The following NAV1 variants were observed in gnomAD, a reference collection of about 807,000 sequenced individuals.
NAV1 encodes neuron navigator 1, also known as pore membrane and/or filament interacting like protein 3.
A neutral mutation model predicts 175.2 loss-of-function variants in NAV1; 18 were observed. That is an observed-to-expected ratio of 0.10 (90% CI 0.07 to 0.15). The LOEUF is 0.15. Among genes scored for constraint, NAV1 ranks in the 10% least tolerant of loss-of-function variants. The pLI is 1.00. For missense variants in NAV1, 1,731 were observed against 2,436.6 expected (o/e 0.71, Z 6.10); for synonymous variants, 897 against 978.7 (o/e 0.92, Z 1.56).
At chr1:201,557,638 C>T (rs988618986) in intron 1 of NAV1, among the ~76,000 whole-genome samples, 1 of 152,204 alleles carries the variant, frequency 6.6e-6, no homozygotes, top group Non-Finnish European at 1.5e-5. Context: ...TCCCAGTTTT[C>T]AGGTGGGTTA....
rs1348920035 is a variant in NAV1, at chr1:201,581,031, G to A, written c.-143-7508G>A. 2.0e-5 allele frequency among the ~76,000 whole-genome samples: 3 copies of A among 152,336 alleles called. No individual in the cohort carries two copies. The East Asian group carries it at 5.8e-4, about 29-fold the overall frequency. ...TACTCACTGCAGGTTGTTCGTGGGG[G>A]CCGGTGCATGGCATAGGGAAAGGAA... On this transcript the variant is annotated intron_variant, in intron 1 of 33. Coordinates refer to the NAV1 transcript ENST00000685211.
intron 1 of NAV1, among the ~76,000 whole-genome samples, chr1:201,664,077 T>C (rs1457248089): frequency 6.6e-6 from 1 of 152,144 alleles, no homozygotes; most frequent in African/African-American, 2.4e-5. Flanking sequence ...ATCCGGAGTA[T>C]AGTGGCCAAA....
rs776999145 is a variant in NAV1 at position 201,803,572 on chromosome 1, C to T, written c.3518-21C>T. The T allele has an allele frequency of 7.5e-6, 12 of 1,608,720 alleles. No homozygotes were observed. In the South Asian group the frequency reaches 1.2e-4, roughly 16 times the overall value. ...CTCTCTAAATCTGTTCTATGTTTTT[C>T]CCACTTGTACTTGGCCCTAGAACTT... On this transcript the variant is annotated intron_variant, in intron 15 of 29. Transcript: ENST00000367296.
chr1:201,686,953 G>A (rs982848531), intron 1 of NAV1, among the ~76,000 whole-genome samples: 3 of 152,180 alleles, frequency 2.0e-5, no homozygotes, highest in African/African-American at 7.2e-5. Flanking sequence ...CTCCTTCCTG[G>A]TGTGAAAGGT....
intron 1 of NAV1, among the ~76,000 whole-genome samples, chr1:201,556,302 C>T (rs944545252): frequency 6.6e-6 from 1 of 151,978 alleles, no homozygotes; most frequent in African/African-American, 2.4e-5. Context: ...TCTGTAGTCC[C>T]AGCTACTCGG....
chr1:201,615,267 C>CTTTCTTTCT lies in NAV1; in HGVS notation c.-32-7583_-32-7582insCTTTCTTTT, dbSNP rs1553244260. 2.3e-3 allele frequency among the ~76,000 whole-genome samples: 321 copies of CTTTCTTTCT among 142,002 alleles called. 3 individuals carry two copies. Among genetic ancestry groups the CTTTCTTTCT allele is most frequent in the Non-Finnish European group, 2.7e-3 (179 of 66,022 alleles). 93.2% of individuals were successfully genotyped at this position (142,002 alleles called of 152,430 possible). A position where few individuals can be genotyped will look rare whatever the true frequency, so the allele number is the denominator to read the frequency against. ...CATTTCTTTCTTTCTTTCTTTCTTTCTTTTTTTTTTTGTTTGAGATGGAGT... is the reference window on the plus strand; with the variant it reads ...CATTTCTTTCTTTCTTTCTTTCTTTCTTTCTTTCTTTTTTTTTTTTGTTTGAGATGGAGT... On this transcript the variant is annotated intron_variant, in intron 2 of 33. Transcript: ENST00000685211.
intron 1 of NAV1, among the ~76,000 whole-genome samples, chr1:201,585,079 G>C (rs4915541): frequency 0.08 from 12,209 of 151,906 alleles, 645 homozygotes; most frequent in East Asian, 0.23. Context: ...CATTCGGGTA[G>C]TTTTCGCAGG....
intron 15 of NAV1, among the ~76,000 whole-genome samples, chr1:201,801,429 A>G (rs1039423105): frequency 1.3e-5 from 2 of 152,156 alleles, no homozygotes; most frequent in Non-Finnish European, 1.5e-5. Flanking sequence ...CCCTTCCTCT[A>G]GTTTAGTTTC....
At chr1:201,797,745 C>A (rs1677552045) in intron 15 of NAV1, 1 of 152,134 alleles carries the variant, frequency 6.6e-6, no homozygotes, top group African/African-American at 2.4e-5. Flanking sequence ...TTATACTGTT[C>A]TAAACTGAAT....
intron 3 of NAV1, among the ~76,000 whole-genome samples, chr1:201,777,968 A>G (rs1676068439): frequency 1.3e-5 from 2 of 152,158 alleles, no homozygotes; most frequent in Admixed American, 6.5e-5. Flanking sequence ...AAAGAAAGAA[A>G]GAAACTATGC....
chr1:201,786,493 C>T, exon 9 of NAV1: 1 of 1,614,008 alleles, frequency 6.2e-7, no homozygotes, highest in Non-Finnish European at 8.5e-7. Context: ...TGGTGGGCTG[C>T]CTGAATCCGA....
At chr1:201,632,797 A>T (rs1426348201) in intron 2 of NAV1, among the ~76,000 whole-genome samples, 3 of 152,214 alleles carry the variant, frequency 2.0e-5, no homozygotes, top group Non-Finnish European at 4.4e-5. Context: ...TTGGCCTCAT[A>T]CTAGGGCTGT....
In NAV1 at chr1:201,750,207, C is replaced by T. The variant is rs239989; in HGVS notation, c.1227-30214C>T. 0.86 allele frequency among the ~76,000 whole-genome samples: 131,270 copies of T among 152,214 alleles called. 56,954 individuals are homozygous for T. Among genetic ancestry groups the T allele is most frequent in the Middle Eastern group, 0.92 (270 of 294 alleles). On this transcript the variant is annotated intron_variant, in intron 3 of 29. Coordinates refer to ENST00000367296, the Ensembl canonical transcript of NAV1. This position sits in a 1 kb window ranked among gnomAD's most constrained non-coding sequence, Gnocchi z 4.1. ...GTAATTTTTTATAACAAAGACCTACCGCTGCAAGGATTTTACATGTAATGA... is the reference window on the plus strand; with the variant it reads ...GTAATTTTTTATAACAAAGACCTACTGCTGCAAGGATTTTACATGTAATGA...
chr1:201,661,309 G>A (rs1284672109), intron 1 of NAV1, among the ~76,000 whole-genome samples: 1 of 152,144 alleles, frequency 6.6e-6, no homozygotes, highest in Admixed American at 6.6e-5. Flanking sequence ...GTCAGTATCT[G>A]CCAAGTACCC....
chr1:201,641,023 G>A (rs1482466815), intron 2 of NAV1, among the ~76,000 whole-genome samples: 1 of 152,166 alleles, frequency 6.6e-6, no homozygotes, highest in African/African-American at 2.4e-5. Flanking sequence ...GTCAGGGAAG[G>A]CGGCCTAGAG....
At chr1:201,587,275 A>C (rs1378168423) in intron 1 of NAV1, among the ~76,000 whole-genome samples, 4 of 152,216 alleles carry the variant, frequency 2.6e-5, no homozygotes, top group East Asian at 1.9e-4. Context: ...AAAAAAAAAA[A>C]ACAGAAACCT....
rs566337530 is a variant in NAV1, at chr1:201,584,333, A to G, written c.-143-4206A>G. Among the ~76,000 whole-genome samples, 299 of 152,332 alleles carry G rather than the reference A, an allele frequency of 2.0e-3. 2 individuals carry two copies. Among genetic ancestry groups the G allele is most frequent in the African/African-American group, 6.1e-3 (253 of 41,572 alleles). ...AGACAGAGCTGCATATAGAGGGGGA[A>G]ATGTAACCTACTCTATATGCAGCTA... is the stretch of plus-strand genomic sequence containing the variant. On this transcript the variant is annotated intron_variant, in intron 1 of 33. Transcript: ENST00000685211.
Position 201,781,364 on chromosome 1 carries a change from C to T in NAV1, c.1663+55C>T, listed in dbSNP as rs536373284. 7.2e-4 allele frequency: 1,070 copies of T among 1,491,968 alleles called. 1 individual carries two copies. The highest frequency in any genetic ancestry group is 9.3e-4 in the Non-Finnish European group (1,038 of 1,116,336). 92.4% of individuals were successfully genotyped at this position (1,491,968 alleles called of 1,614,324 possible). A position where few individuals can be genotyped will look rare whatever the true frequency, so the allele number is the denominator to read the frequency against. Reference sequence around the variant, plus strand: ...GCAAAGACCTAGTTCTTTGGTTGCTCCTCTTCTTAGTGGTCATTAACCCAT... The same window carrying T: ...GCAAAGACCTAGTTCTTTGGTTGCTTCTCTTCTTAGTGGTCATTAACCCAT... On this transcript the variant is annotated intron_variant, in intron 5 of 29. Coordinates refer to ENST00000367296, the Ensembl canonical transcript of NAV1.
At chr1:201,563,615 A>G (rs1411820215) in intron 1 of NAV1, among the ~76,000 whole-genome samples, 4 of 151,898 alleles carry the variant, frequency 2.6e-5, no homozygotes, top group Admixed American at 1.3e-4. Context: ...TTTGGCTAAC[A>G]CCCCACTTCT....
Sources: allele counts gnomAD v4.1 joint callset (sites outside exome capture counted in the v4.1 genomes callset), GRCh38; gene constraint gnomAD v4.1.1; non-coding constraint Gnocchi (gnomAD v3.1); transcripts MANE v1.5; gene names NCBI Gene and HGNC (gene_info 2026-07-23, HGNC 2026-07-21).